The following UNC13C variants were observed in gnomAD, a reference collection of about 807,000 sequenced individuals.
UNC13C encodes the protein protein unc-13 homolog C.
A neutral mutation model predicts 245.4 loss-of-function variants in UNC13C; 174 were observed. That is an observed-to-expected ratio of 0.71 (90% CI 0.63 to 0.80). UNC13C has a LOEUF of 0.80. UNC13C is among the 30% of genes least tolerant of loss of function. UNC13C has a pLI of 0.00. For synonymous variants in UNC13C, 992 were observed against 895.1 expected, an observed-to-expected ratio of 1.11 and a Z score of -1.93; for missense variants, 2,829 against 2,602.9, an observed-to-expected ratio of 1.09 and a Z score of -1.89.
intron 2 of UNC13C, among the ~76,000 whole-genome samples, chr15:54,133,559 G>A (rs761521833): frequency 6.6e-6 from 1 of 152,044 alleles, no homozygotes; most frequent in African/African-American, 2.4e-5. Flanking sequence ...TCGCATTAAC[G>A]ACATTAAATT....
At chr15:54,344,887 C>T (rs2038824207) in intron 17 of UNC13C, among the ~76,000 whole-genome samples, 1 of 152,170 alleles carries the variant, frequency 6.6e-6, no homozygotes, top group Non-Finnish European at 1.5e-5. Context: ...TACTACATAA[C>T]TTCCTAAGAG....
chr15:54,128,891 C>CA (rs2031232566), intron 2 of UNC13C, among the ~76,000 whole-genome samples: 1 of 152,136 alleles, frequency 6.6e-6, no homozygotes, highest in Non-Finnish European at 1.5e-5. Context: ...GAGAAGTGGT[C>CA]AAAGTCCTGA....
chr15:54,261,397 C>T lies in UNC13C; in HGVS notation c.3449-2771C>T, dbSNP rs541636672. Among the ~76,000 whole-genome samples, 3 of 152,214 alleles carry T rather than the reference C, an allele frequency of 2.0e-5. No homozygotes were observed. The South Asian group carries it at 6.2e-4, about 32-fold the overall frequency. On this transcript the variant is annotated intron_variant, in intron 8 of 32. Coordinates refer to ENST00000260323, the MANE Select transcript of UNC13C (RefSeq NM_001080534.3). ...TATGTGGGTTTGATAAAGCATAGGG[C>T]AATGGAAAGTACTTGTAAATCAGTG...
At chr15:54,092,145 G>C (rs1899607344) in intron 2 of UNC13C, among the ~76,000 whole-genome samples, 1 of 152,192 alleles carries the variant, frequency 6.6e-6, no homozygotes, top group Middle Eastern at 3.4e-3. Context: ...CTTCCTCACT[G>C]GTGGGATGTG....
chr15:54,604,526 TAACTTTCCTGGGG>T (rs1399054801), intron 30 of UNC13C, among the ~76,000 whole-genome samples: 1 of 152,192 alleles, frequency 6.6e-6, no homozygotes, highest in Non-Finnish European at 1.5e-5. Context: ...CTCAAGGGGC[TAACTTTCCTGGGG>T]AACTCCCTGC....
At chr15:54,387,421 G>A (rs1280988067) in intron 17 of UNC13C, among the ~76,000 whole-genome samples, 2 of 152,130 alleles carry the variant, frequency 1.3e-5, no homozygotes, top group Non-Finnish European at 2.9e-5. Flanking sequence ...TACTGGGAGT[G>A]TCCTTCAGCA....
intron 30 of UNC13C, among the ~76,000 whole-genome samples, chr15:54,570,631 A>G (rs1897712446): frequency 3.3e-5 from 5 of 152,176 alleles, no homozygotes; most frequent in East Asian, 1.9e-4. Context: ...TCCCATCTCA[A>G]TATTCATGAC....
the UNC13C span, among the ~76,000 whole-genome samples, chr15:53,864,304 C>G: frequency 6.6e-6 from 1 of 152,064 alleles, no homozygotes; most frequent in African/African-American, 2.4e-5. Context: ...TATTTTCTTC[C>G]TTTTGCTTAT....
At chr15:54,620,284 G>T (rs905233627) in intron 30 of UNC13C, among the ~76,000 whole-genome samples, 3 of 152,096 alleles carry the variant, frequency 2.0e-5, no homozygotes, top group African/African-American at 7.2e-5. Flanking sequence ...CAGGTAGGGT[G>T]TATAAATGGA....
intron 19 of UNC13C, among the ~76,000 whole-genome samples, chr15:54,461,157 C>G (rs1286873305): frequency 6.6e-6 from 1 of 151,384 alleles, no homozygotes; most frequent in African/African-American, 2.4e-5. Flanking sequence ...TATTTTTATT[C>G]AAGTTATATT....
At chr15:54,400,806 T>A (rs564431371) in intron 18 of UNC13C, among the ~76,000 whole-genome samples, 2 of 152,300 alleles carry the variant, frequency 1.3e-5, no homozygotes, top group South Asian at 4.1e-4. Context: ...AACGTGCAGG[T>A]TTTTTACATA....
chr15:54,544,347 A>T (rs1896389695), intron 26 of UNC13C, among the ~76,000 whole-genome samples: 1 of 152,342 alleles, frequency 6.6e-6, no homozygotes, highest in East Asian at 1.9e-4. Context: ...ATCATACTGA[A>T]TGGGCAAAAG....
At chr15:54,507,477 C>T (rs1894526033) in intron 23 of UNC13C, among the ~76,000 whole-genome samples, 1 of 151,966 alleles carries the variant, frequency 6.6e-6, no homozygotes, top group South Asian at 2.1e-4. Flanking sequence ...TCATAAAATA[C>T]TGGAGCTGAG....
chr15:54,328,829 A>T (rs2038364567), intron 14 of UNC13C, among the ~76,000 whole-genome samples: 1 of 152,096 alleles, frequency 6.6e-6, no homozygotes, highest in Non-Finnish European at 1.5e-5. Context: ...GTTGAAAAAA[A>T]ATTTTAAAGA....
intron 30 of UNC13C, among the ~76,000 whole-genome samples, chr15:54,614,187 C>A (rs1283808528): frequency 6.6e-6 from 1 of 151,868 alleles, no homozygotes; most frequent in Non-Finnish European, 1.5e-5. Context: ...GAAAAGCTTT[C>A]TTTCTAGTGT....
chr15:54,402,725 C>T (rs770878213), intron 18 of UNC13C, among the ~76,000 whole-genome samples: 13 of 151,992 alleles, frequency 8.6e-5, no homozygotes, highest in South Asian at 2.1e-4. Flanking sequence ...GACTAACTTA[C>T]GCAAAATGAC....
Position 54,567,928 on chromosome 15 carries a change from A to C in UNC13C, c.6087A>C (p.Ile2029=). 2 of 1,577,144 alleles carry C rather than the reference A, an allele frequency of 1.3e-6. No homozygotes were observed. The highest frequency in any genetic ancestry group is 1.7e-6 in the Non-Finnish European group (2 of 1,159,506). Reference sequence around the variant, plus strand: ...CTGATGCCTTGATAAAGAAATTCATAGATACTCAAACCTCACAGAGTAAGT... The same window carrying C: ...CTGATGCCTTGATAAAGAAATTCATCGATACTCAAACCTCACAGAGTAAGT... ...QTTDALIKKF[I]DTQTSQSRSS... Residue 2029 remains isoleucine (I), a synonymous_variant, in exon 30 of 33, where the codon ATA becomes ATC. Coordinates refer to ENST00000260323, the MANE Select transcript of UNC13C (RefSeq NM_001080534.3).
intron 2 of UNC13C, among the ~76,000 whole-genome samples, chr15:54,085,923 G>T (rs981556046): frequency 6.6e-6 from 1 of 152,156 alleles, no homozygotes; most frequent in Non-Finnish European, 1.5e-5. Context: ...CTGGAGACAT[G>T]TTTGGCCCCT....
In UNC13C at chr15:54,228,511, G is replaced by T. The variant is rs149191525; in HGVS notation, c.3072-6519G>T. Among the ~76,000 whole-genome samples the T allele has an allele frequency of 9.9e-5, 15 of 152,276 alleles. No individual in the cohort carries two copies. The East Asian group carries it at 2.9e-3, about 29-fold the overall frequency. On this transcript the variant is annotated intron_variant, in intron 4 of 32. Coordinates refer to ENST00000260323, the MANE Select transcript of UNC13C (RefSeq NM_001080534.3). ...GAGTCTCACCCAAGGCCCATGGCGA[G>T]TACTACCTGGCTACGGCTCCTGATT... is the stretch of plus-strand genomic sequence containing the variant.
Sources: gnomAD v4.1 joint callset for allele counts (sites outside exome capture counted in the v4.1 genomes callset) on GRCh38, gnomAD v4.1.1 for gene constraint, MANE v1.5 for transcripts, NCBI Gene and HGNC (gene_info 2026-07-23, HGNC 2026-07-21) for gene names.